The following SLC12A2 variants were observed in gnomAD, a reference collection of about 807,000 sequenced individuals.
SLC12A2 encodes solute carrier family 12 member 2.
A neutral mutation model predicts 136.3 loss-of-function variants in SLC12A2; 67 were observed. The observed-to-expected ratio is 0.49, with a 90% CI of 0.40 to 0.60. SLC12A2 has a LOEUF of 0.60. Ranked by LOEUF, SLC12A2 falls within the 20% of genes least tolerant of loss-of-function variation. The probability of loss-of-function intolerance (pLI) is 0.00; values close to 1 mark genes in which losing one functional copy is unlikely to be tolerated. For synonymous variants in SLC12A2, 619 were observed against 562.9 expected (o/e 1.10, Z -1.41); for missense variants, 1,322 against 1,534.7 (o/e 0.86, Z 2.32).
At chr5:128,087,762 C>G (rs939323996) in intron 1 of SLC12A2, among the ~76,000 whole-genome samples, 1 of 152,052 alleles carries the variant, frequency 6.6e-6, no homozygotes, top group Admixed American at 6.5e-5. Flanking sequence ...CAAGTGATTA[C>G]TGTGGTCTGG....
At chr5:128,153,318 G>T (rs538724934) in intron 15 of SLC12A2, among the ~76,000 whole-genome samples, 1 of 152,184 alleles carries the variant, frequency 6.6e-6, no homozygotes, top group African/African-American at 2.4e-5. Context: ...ACTTTGGGAC[G>T]CCAAGGCTGG....
intron 1 of SLC12A2, among the ~76,000 whole-genome samples, chr5:128,102,790 T>G (rs1760794036): frequency 6.6e-6 from 1 of 151,248 alleles, no homozygotes; most frequent in South Asian, 2.1e-4. Flanking sequence ...CTTTTTTTTT[T>G]TTGTATTATT....
chr5:128,146,581 T>C (rs1010963184), intron 10 of SLC12A2, among the ~76,000 whole-genome samples: 2 of 151,334 alleles, frequency 1.3e-5, no homozygotes, highest in African/African-American at 4.8e-5. Context: ...TGTTTGAACA[T>C]GTACACAGAG....
rs370214889 is a variant in SLC12A2 at position 128,100,643 on chromosome 5, GT to G, written c.757-12166del. Among the ~76,000 whole-genome samples the G allele has an allele frequency of 2.2e-3, 341 of 152,152 alleles. 1 individual carries two copies. The highest frequency in any genetic ancestry group is 7.8e-3 in the African/African-American group (323 of 41,518). ...GTATCCAGGTGTATACTAAAATGTA[GT>G]TTTTAATTACATGGTTCTTGATACA... On this transcript the variant is annotated intron_variant, in intron 1 of 26. Coordinates refer to ENST00000262461, the MANE Select transcript of SLC12A2 (RefSeq NM_001046.3).
intron 20 of SLC12A2, among the ~76,000 whole-genome samples, chr5:128,176,716 G>GA (rs1258328701): frequency 6.6e-6 from 1 of 151,942 alleles, no homozygotes; most frequent in African/African-American, 2.4e-5. Context: ...TTTGCACAGT[G>GA]ATGGCATGTT....
intron 4 of SLC12A2, among the ~76,000 whole-genome samples, chr5:128,125,860 C>G (rs1224263258): frequency 6.6e-6 from 1 of 152,090 alleles, no homozygotes; most frequent in Non-Finnish European, 1.5e-5. Flanking sequence ...TTGTTTTTCT[C>G]CCTACCCTTC....
chr5:128,137,120 T>G (rs1024738876), intron 7 of SLC12A2, among the ~76,000 whole-genome samples: 1 of 152,218 alleles, frequency 6.6e-6, no homozygotes, highest in Non-Finnish European at 1.5e-5. Flanking sequence ...CCACACAACA[T>G]TAATAGTATA....
intron 21 of SLC12A2, 110 bp from the exon 22 acceptor site, chr5:128,178,457 T>C (rs1763600750): frequency 3.0e-6 from 2 of 664,566 alleles, no homozygotes; most frequent in African/African-American, 1.9e-5. Context: ...GTCTGAATTA[T>C]CTGTAGTATA....
intron 12 of SLC12A2, among the ~76,000 whole-genome samples, chr5:128,149,543 AT>A (rs1238644511): frequency 6.6e-6 from 1 of 151,858 alleles, no homozygotes; most frequent in Non-Finnish European, 1.5e-5. Flanking sequence ...AGCCACCTAG[AT>A]CAATAGAAGA....
In SLC12A2 at chr5:128,188,695, T is replaced by G. The variant is rs536281134; in HGVS notation, c.*2064T>G. The G allele has an allele frequency of 6.6e-6, 1 of 150,528 alleles. No homozygotes were observed. The highest frequency in any genetic ancestry group is 6.6e-5 in the Admixed American group (1 of 15,058). The allele number at this position is 150,528 out of a possible 1,614,324, so 9.3% of individuals were successfully genotyped here. On this transcript the variant is annotated 3_prime_UTR_variant, in exon 27 of 27. Transcript: ENST00000262461. ...ACCTAGGTATAGAGATCTGATAACT[T>G]GAATTCAGAATATTAAGAAAATGAA... is the stretch of plus-strand genomic sequence containing the variant.
rs1195010572 is a variant in SLC12A2 at position 128,152,707 on chromosome 5, T to G, written c.2265T>G (p.Asp755Glu). ...LYIYVTYKKP[D>E]VNWGSSTQAL... is the part of the protein sequence containing the mutation. ...TGCATGAACATTATCTTCCCACAGA[T>G]GTGAATTGGGGATCCTCTACACAAG... The change falls in exon 15 of 27, where the codon GAT becomes GAG. Residue 755 changes from aspartate to glutamate, a missense_variant and splice_region_variant. Asp to Glu is a conservative substitution (Grantham distance 45, BLOSUM62 2). Transcript: ENST00000262461. 1.3e-6 allele frequency: 2 copies of G among 1,597,160 alleles called. No homozygotes were observed. Among genetic ancestry groups the G allele is most frequent in the South Asian group, 2.2e-5 (2 of 90,712 alleles).
chr5:128,172,463 C>G (rs1457683677), intron 19 of SLC12A2, among the ~76,000 whole-genome samples: 1 of 152,180 alleles, frequency 6.6e-6, no homozygotes, highest in East Asian at 1.9e-4. Flanking sequence ...AATAAAGATA[C>G]AGAACTGTTC....
At chr5:128,107,252 C>T (rs1025287112) in intron 1 of SLC12A2, among the ~76,000 whole-genome samples, 1 of 152,062 alleles carries the variant, frequency 6.6e-6, no homozygotes, top group African/African-American at 2.4e-5. Context: ...GCTACACAGT[C>T]CCCTAGTCAT....
At chr5:128,095,267 A>G (rs898716038) in intron 1 of SLC12A2, among the ~76,000 whole-genome samples, 1 of 152,152 alleles carries the variant, frequency 6.6e-6, no homozygotes, top group Non-Finnish European at 1.5e-5. Context: ...TTAGTTTCCA[A>G]AGCATTCTTA....
At chr5:128,164,480 A>G (rs889691412) in intron 17 of SLC12A2, among the ~76,000 whole-genome samples, 1 of 152,214 alleles carries the variant, frequency 6.6e-6, no homozygotes, top group African/African-American at 2.4e-5. Context: ...CTGAGGAACT[A>G]TATGAAATAT....
chr5:128,182,799 C>A, intron 23 of SLC12A2, 56 bp from the exon 24 acceptor site: 1 of 1,210,664 alleles, frequency 8.3e-7, no homozygotes, highest in Non-Finnish European at 1.2e-6. Flanking sequence ...TATATGGATT[C>A]AGCCCAATAT....
intron 4 of SLC12A2, among the ~76,000 whole-genome samples, chr5:128,120,988 A>G (rs898165656): frequency 6.6e-6 from 1 of 152,152 alleles, no homozygotes; most frequent in African/African-American, 2.4e-5. Context: ...TTTTATTCTT[A>G]TCTTGAAAAT....
intron 4 of SLC12A2, among the ~76,000 whole-genome samples, chr5:128,119,964 C>A (rs1478400869): frequency 6.6e-6 from 1 of 151,966 alleles, no homozygotes; most frequent in East Asian, 1.9e-4. Context: ...ACTCATCTGA[C>A]AAAGGGCTAA....
At chr5:128,167,640 TGAA>T (rs1763244036) in intron 17 of SLC12A2, 118 bp from the exon 18 acceptor site, 2 of 579,818 alleles carry the variant, frequency 3.4e-6, no homozygotes, top group Non-Finnish European at 6.0e-6. Context: ...TATGGAATGC[TGAA>T]GAATTTTTGT....
Sources: allele counts gnomAD v4.1 joint callset (sites outside exome capture counted in the v4.1 genomes callset), GRCh38; gene constraint gnomAD v4.1.1; transcripts MANE v1.5; gene names NCBI Gene and HGNC (gene_info 2026-07-23, HGNC 2026-07-21).